PCDH15: variants seen among roughly 807,000 people sequenced by gnomAD.
PCDH15 encodes protocadherin-15.
A neutral mutation model predicts 178.5 loss-of-function variants in PCDH15; 129 were observed. The ratio of observed to expected loss-of-function variants is 0.72; its 90% CI spans 0.63 to 0.84. PCDH15 has a LOEUF of 0.84. PCDH15 is among the 40% of genes least tolerant of loss of function. PCDH15 has a pLI of 0.00. For synonymous variants in PCDH15, 800 were observed against 732.0 expected, an observed-to-expected ratio of 1.09 and a Z score of -1.50; for missense variants, 2,230 against 2,099.9, an observed-to-expected ratio of 1.06 and a Z score of -1.21.
chr10:54,827,018 C>G (rs1332902888), intron 3 of PCDH15, among the ~76,000 whole-genome samples: 2 of 152,034 alleles, frequency 1.3e-5, no homozygotes, highest in Non-Finnish European at 2.9e-5. Context: ...ACAAAAACAT[C>G]CTGGTTGAAC....
chr10:54,830,015 A>G (rs1953196998), intron 3 of PCDH15, among the ~76,000 whole-genome samples: 1 of 152,088 alleles, frequency 6.6e-6, no homozygotes, highest in Non-Finnish European at 1.5e-5. Context: ...TTGCAGGAAG[A>G]GAGTTCTCAT....
chr10:54,844,446 C>A (rs1053595845), intron 3 of PCDH15, among the ~76,000 whole-genome samples: 2 of 151,892 alleles, frequency 1.3e-5, no homozygotes, highest in Non-Finnish European at 2.9e-5. Flanking sequence ...AGTGCTGACA[C>A]ATATATGCTT....
chr10:54,674,623 G>A (rs916506530), intron 1 of PCDH15, among the ~76,000 whole-genome samples: 1 of 152,048 alleles, frequency 6.6e-6, no homozygotes, highest in African/African-American at 2.4e-5. Flanking sequence ...TGTGAAGATG[G>A]ATAATTTGAC....
intron 3 of PCDH15, among the ~76,000 whole-genome samples, chr10:54,848,692 C>A (rs1039652313): frequency 6.6e-6 from 1 of 152,160 alleles, no homozygotes; most frequent in African/African-American, 2.4e-5. Context: ...AGTACATTGA[C>A]CCTGATCACA....
chr10:54,076,548 T>C (rs1390493593), intron 17 of PCDH15, among the ~76,000 whole-genome samples: 1 of 151,902 alleles, frequency 6.6e-6, no homozygotes, highest in East Asian at 1.9e-4. Context: ...ATGGTAAAAG[T>C]AGACACCCTT....
At chr10:55,373,282 G>A (rs1261915023) in intron 2 of PCDH15, among the ~76,000 whole-genome samples, 2 of 152,112 alleles carry the variant, frequency 1.3e-5, no homozygotes, top group East Asian at 1.9e-4. Flanking sequence ...AAAAATACAG[G>A]AGTAGAAAAA....
intron 3 of PCDH15, among the ~76,000 whole-genome samples, chr10:54,830,868 A>G (rs181864521): frequency 5.3e-4 from 81 of 152,174 alleles, no homozygotes; most frequent in Middle Eastern, 3.4e-3. Flanking sequence ...TGAAAAAAGA[A>G]CTCCAGCAAA....
At chr10:54,542,658 C>T (rs938504937) in intron 2 of PCDH15, among the ~76,000 whole-genome samples, 2 of 152,168 alleles carry the variant, frequency 1.3e-5, no homozygotes, top group Non-Finnish European at 2.9e-5. Flanking sequence ...AGGAATGTTT[C>T]ATATAGAACA....
At chr10:54,173,903 T>C (rs2047155895) in intron 13 of PCDH15, among the ~76,000 whole-genome samples, 1 of 152,116 alleles carries the variant, frequency 6.6e-6, no homozygotes, top group Non-Finnish European at 1.5e-5. Context: ...GAAGTCTTCT[T>C]TGAGGAAGCG....
intron 5 of PCDH15, among the ~76,000 whole-genome samples, chr10:54,357,100 C>G (rs1945137071): frequency 6.6e-6 from 1 of 152,082 alleles, no homozygotes; most frequent in Non-Finnish European, 1.5e-5. Flanking sequence ...AAAATGGGCA[C>G]AAGACAGGGA....
chr10:53,848,016 AT>A (rs908495527), intron 28 of PCDH15, among the ~76,000 whole-genome samples: 13 of 152,218 alleles, frequency 8.5e-5, no homozygotes, highest in African/African-American at 3.1e-4. Context: ...TTGCATAAAC[AT>A]TTTGTGGAGT....
At chr10:54,603,844 T>TAGAG (rs745466026) in intron 2 of PCDH15, among the ~76,000 whole-genome samples, 1 of 151,974 alleles carries the variant, frequency 6.6e-6, no homozygotes, top group Non-Finnish European at 1.5e-5. Flanking sequence ...TCCCTGAGCC[T>TAGAG]AGAGAGAGGT....
At chr10:54,287,503 G>A (rs139841319) in intron 8 of PCDH15, among the ~76,000 whole-genome samples, 7 of 152,042 alleles carry the variant, frequency 4.6e-5, no homozygotes, top group South Asian at 2.1e-4. Flanking sequence ...GAGTCCTGCC[G>A]AGAAGAATAT....
intron 1 of PCDH15, among the ~76,000 whole-genome samples, chr10:55,317,827 G>A (rs1468472901): frequency 6.6e-6 from 1 of 152,086 alleles, no homozygotes; most frequent in Non-Finnish European, 1.5e-5. Context: ...AACGCCCAAG[G>A]GGTTGGTCGC....
intron 8 of PCDH15, among the ~76,000 whole-genome samples, chr10:54,272,587 T>C (rs1204320942): frequency 6.6e-6 from 1 of 152,118 alleles, no homozygotes; most frequent in African/African-American, 2.4e-5. Flanking sequence ...CTACAGATAG[T>C]GGAATACAAC....
At chr10:55,038,999 G>A (rs1840803290) in intron 2 of PCDH15, among the ~76,000 whole-genome samples, 1 of 151,990 alleles carries the variant, frequency 6.6e-6, no homozygotes. Flanking sequence ...ATTTCTTACA[G>A]GTGCGGTTCT....
intron 25 of PCDH15, among the ~76,000 whole-genome samples, chr10:53,917,330 A>G (rs774172422): frequency 1.3e-5 from 2 of 152,190 alleles, no homozygotes; most frequent in Non-Finnish European, 2.9e-5. Flanking sequence ...AGACAAAATT[A>G]TTATGTCTGA....
At chr10:54,546,038 G>C (rs2085813857) in intron 2 of PCDH15, among the ~76,000 whole-genome samples, 1 of 152,230 alleles carries the variant, frequency 6.6e-6, no homozygotes, top group Non-Finnish European at 1.5e-5. Flanking sequence ...AGAGAAATTA[G>C]TGCAACACCA....
chr10:54,222,434 A>AT (rs1800739716), intron 9 of PCDH15, among the ~76,000 whole-genome samples: 1 of 152,234 alleles, frequency 6.6e-6, no homozygotes, highest in Admixed American at 6.5e-5. Context: ...ATTGTGTAGT[A>AT]TAAAGATTTG....
Sources: gnomAD v4.1 joint callset for allele counts (sites outside exome capture counted in the v4.1 genomes callset) on GRCh38, gnomAD v4.1.1 for gene constraint, MANE v1.5 for transcripts, NCBI Gene and HGNC (gene_info 2026-07-23, HGNC 2026-07-21) for gene names.